Variants in TFDP2 observed in about 807,000 individuals in gnomAD.
The protein encoded by TFDP2 is transcription factor Dp-2 (E2F dimerization partner 2).
In TFDP2, 17 loss-of-function variants were observed where a neutral mutation model predicts 59.3. The ratio of observed to expected loss-of-function variants is 0.29; its 90% CI spans 0.20 to 0.43. The LOEUF is 0.43. TFDP2 is among the 20% of genes least tolerant of loss of function. TFDP2 has a pLI of 1.00. For missense variants in TFDP2, 391 were observed against 528.8 expected, an observed-to-expected ratio of 0.74 and a Z score of 2.56; for synonymous variants, 180 against 194.7, an observed-to-expected ratio of 0.92 and a Z score of 0.63.
At chr3:141,973,298 G>C (rs11569232) in intron 8 of TFDP2, among the ~76,000 whole-genome samples, 11,128 of 151,340 alleles carry the variant, frequency 0.074, 512 homozygotes, top group Non-Finnish European at 0.11. Context: ...ATTTTTAGTA[G>C]AGACGGGGTT....
chr3:141,979,166 C>G (rs1477808308), intron 6 of TFDP2, among the ~76,000 whole-genome samples: 1 of 152,128 alleles, frequency 6.6e-6, no homozygotes, highest in Non-Finnish European at 1.5e-5. Flanking sequence ...TTCTCATTGC[C>G]TAGTGATGTA....
intron 9 of TFDP2, among the ~76,000 whole-genome samples, chr3:141,966,038 T>C (rs773635707): frequency 2.0e-5 from 3 of 151,994 alleles, no homozygotes; most frequent in South Asian, 2.1e-4. Context: ...CCCTGGTATA[T>C]GGGGGAATAT....
At chr3:142,082,979 C>T (rs900749834) in intron 3 of TFDP2, among the ~76,000 whole-genome samples, 1 of 151,910 alleles carries the variant, frequency 6.6e-6, no homozygotes, top group African/African-American at 2.4e-5. Flanking sequence ...AGCCTACTTT[C>T]AACACTGTTA....
At chr3:141,985,783 A>G (rs1942036545) in intron 6 of TFDP2, among the ~76,000 whole-genome samples, 1 of 152,188 alleles carries the variant, frequency 6.6e-6, no homozygotes, top group Non-Finnish European at 1.5e-5. Flanking sequence ...ATCAAAATTA[A>G]AAACATTTGT....
Position 141,944,476 on chromosome 3 carries a change from TA to T in TFDP2, c.*8036del, listed in dbSNP as rs1935035103. On this transcript the variant is annotated 3_prime_UTR_variant, in exon 13 of 13. Transcript: ENST00000489671. ...TCTATAATACATTTCATTCAAATCA[TA>T]AAAGTCTGATACATTTTTTTCTCAA... 1 of 152,242 alleles carries T rather than the reference TA, an allele frequency of 6.6e-6. No homozygotes were observed. The highest frequency in any genetic ancestry group is 2.1e-4 in the South Asian group (1 of 4,836). 9.4% of individuals were successfully genotyped at this position (152,242 alleles called of 1,614,324 possible).
At chr3:141,991,060 A>AAAAC (rs976037619) in intron 6 of TFDP2, among the ~76,000 whole-genome samples, 11 of 152,164 alleles carry the variant, frequency 7.2e-5, no homozygotes, top group African/African-American at 1.7e-4. Context: ...TCCATCTCAA[A>AAAAC]AAACAAACAA....
chr3:142,029,732 G>A (rs192067865), intron 3 of TFDP2, among the ~76,000 whole-genome samples: 8 of 152,204 alleles, frequency 5.3e-5, no homozygotes, highest in Admixed American at 1.3e-4. Flanking sequence ...ATTTACCAAG[G>A]TATGTGTTTG....
chr3:141,975,560 G>A (rs1940505521), intron 7 of TFDP2, among the ~76,000 whole-genome samples: 1 of 151,964 alleles, frequency 6.6e-6, no homozygotes, highest in Admixed American at 6.6e-5. Flanking sequence ...TGGGCGTGGT[G>A]GCGCATGACT....
intron 11 of TFDP2, among the ~76,000 whole-genome samples, chr3:141,956,016 C>T (rs997837284): frequency 6.6e-6 from 1 of 152,152 alleles, no homozygotes; most frequent in Non-Finnish European, 1.5e-5. Context: ...CCATGTTGGT[C>T]AGCCTGGTCT....
Position 141,972,645 on chromosome 3 carries a change from T to A in TFDP2, c.663+1403A>T, listed in dbSNP as rs989572866. Among the ~76,000 whole-genome samples the A allele has an allele frequency of 2.0e-5, 3 of 152,296 alleles. No individual in the cohort carries two copies. The East Asian group carries it at 5.8e-4, about 29-fold the overall frequency. Reference sequence around the variant, plus strand: ...ACCTCATGCCTGAGCTCTGGGATTATCTCCTTGGTAAAGCCCTCCCTCAGC... The same window carrying A: ...ACCTCATGCCTGAGCTCTGGGATTAACTCCTTGGTAAAGCCCTCCCTCAGC... On this transcript the variant is annotated intron_variant, in intron 8 of 12. Transcript: ENST00000489671.
At chr3:142,045,105 T>A (rs1397796687) in intron 3 of TFDP2, among the ~76,000 whole-genome samples, 2 of 152,110 alleles carry the variant, frequency 1.3e-5, no homozygotes, top group South Asian at 2.1e-4. Flanking sequence ...AATTTTTTTC[T>A]GTTTCTTAAA....
intron 3 of TFDP2, among the ~76,000 whole-genome samples, chr3:142,059,467 A>G (rs535609714): frequency 2.0e-5 from 3 of 152,348 alleles, no homozygotes; most frequent in Admixed American, 1.3e-4. Flanking sequence ...ACACTATTAC[A>G]TTTTATAATT....
chr3:142,095,338 G>A (rs1305804222), intron 2 of TFDP2, among the ~76,000 whole-genome samples: 1 of 152,186 alleles, frequency 6.6e-6, no homozygotes, highest in Non-Finnish European at 1.5e-5. Flanking sequence ...TAATATCAAT[G>A]TAAGAGCTAA....
At chr3:142,012,866 C>T (rs1029703818) in intron 3 of TFDP2, among the ~76,000 whole-genome samples, 20 of 151,942 alleles carry the variant, frequency 1.3e-4, no homozygotes, top group African/African-American at 4.3e-4. Flanking sequence ...TTGCCAGGCG[C>T]GGTGGCTCAC....
rs1212040878 is a variant in TFDP2, at chr3:141,968,962, T to C, written c.732+1111A>G. ...CATATATATAGATATATATAACACA[T>C]ATATATCTCATATATATAGATATAT... On this transcript the variant is annotated intron_variant, in intron 9 of 12. Coordinates refer to ENST00000489671, the MANE Select transcript of TFDP2 (RefSeq NM_001178139.2). Among the ~76,000 whole-genome samples the C allele has an allele frequency of 6.8e-4, 66 of 97,192 alleles. 2 individuals are homozygous for C. The highest frequency in any genetic ancestry group is 3.0e-3 in the African/African-American group (63 of 20,660). 63.8% of individuals were successfully genotyped at this position (97,192 alleles called of 152,430 possible). A position where few individuals can be genotyped will look rare whatever the true frequency, so the allele number is the denominator to read the frequency against.
At chr3:141,988,664 CTTTTCTTTT>C (rs1942404951) in intron 6 of TFDP2, among the ~76,000 whole-genome samples, 1 of 118,622 alleles carries the variant, frequency 8.4e-6, no homozygotes. Context: ...GCAATCTTTT[CTTTTCTTTT>C]TTTTTTTTTT....
At chr3:141,974,721 T>A (rs1396105875) in intron 7 of TFDP2, among the ~76,000 whole-genome samples, 1 of 152,104 alleles carries the variant, frequency 6.6e-6, no homozygotes, top group African/African-American at 2.4e-5. Flanking sequence ...GATTTTAGAC[T>A]TAAAAAAATC....
At chr3:141,993,609 A>G in intron 5 of TFDP2, 24 bp from the exon 6 acceptor site, 1 of 1,383,832 alleles carries the variant, frequency 7.2e-7, no homozygotes, top group Non-Finnish European at 1.0e-6. Flanking sequence ...AAGATAGCAT[A>G]AAAACAATAC....
At chr3:142,130,567 GC>G (rs1480686882) in intron 1 of TFDP2, among the ~76,000 whole-genome samples, 3 of 151,652 alleles carry the variant, frequency 2.0e-5, no homozygotes, top group Non-Finnish European at 1.5e-5. Context: ...GTATACATGT[GC>G]CATGTTGGTG....
Sources: allele counts gnomAD v4.1 joint callset (sites outside exome capture counted in the v4.1 genomes callset), GRCh38; gene constraint gnomAD v4.1.1; transcripts MANE v1.5; gene names NCBI Gene and HGNC (gene_info 2026-07-23, HGNC 2026-07-21).